Variants in FRY observed in about 807,000 individuals in gnomAD.
FRY encodes FRY microtubule binding protein.
FRY carries 128 observed loss-of-function variants against 348.4 expected under a neutral mutation model. That is an observed-to-expected ratio of 0.37 (90% CI 0.32 to 0.43). The LOEUF (loss-of-function observed/expected upper bound fraction) is 0.43. FRY is among the 20% of genes least tolerant of loss of function. The pLI, the probability that FRY is intolerant of heterozygous loss-of-function variation, is 1.00. For synonymous variants in FRY, 1,370 were observed against 1,374.7 expected (o/e 1.00, Z 0.08); for missense variants, 2,736 against 3,695.2 (o/e 0.74, Z 6.73).
At chr13:32,050,153 C>T (rs969735071) in intron 1 of FRY, among the ~76,000 whole-genome samples, 1 of 152,178 alleles carries the variant, frequency 6.6e-6, no homozygotes, top group African/African-American at 2.4e-5. Flanking sequence ...TTCAAGGAAA[C>T]ACACATTTTA....
At chr13:32,081,784 A>C (rs780296501) in intron 2 of FRY, among the ~76,000 whole-genome samples, 12 of 152,234 alleles carry the variant, frequency 7.9e-5, no homozygotes, top group Non-Finnish European at 1.8e-4. Flanking sequence ...TGATTCTAGA[A>C]GTGTGAATGG....
intron 17 of FRY, among the ~76,000 whole-genome samples, chr13:32,161,549 G>A (rs1291182645): frequency 6.6e-6 from 1 of 152,140 alleles, no homozygotes; most frequent in Non-Finnish European, 1.5e-5. Context: ...CTATGGACTG[G>A]GGAAGGCAAC....
At chr13:32,098,056 C>G (rs1299480278) in intron 2 of FRY, among the ~76,000 whole-genome samples, 1 of 152,062 alleles carries the variant, frequency 6.6e-6, no homozygotes, top group African/African-American at 2.4e-5. Context: ...CTGGCAAATG[C>G]GTAGCCAGCA....
intron 28 of FRY, among the ~76,000 whole-genome samples, chr13:32,190,330 A>G (rs2138281380): frequency 6.6e-6 from 1 of 152,208 alleles, no homozygotes; most frequent in African/African-American, 2.4e-5. Flanking sequence ...CCAATGCAGT[A>G]GGAAAGAAGG....
rs1893000523 is a variant in FRY, at chr13:32,090,821, A to C, written c.271-11142A>C. Among the ~76,000 whole-genome samples the C allele has an allele frequency of 3.3e-5, 5 of 152,082 alleles. No individual in the cohort carries two copies. The South Asian group carries it at 1.0e-3, about 32-fold the overall frequency. On this transcript the variant is annotated intron_variant, in intron 2 of 60. Coordinates refer to ENST00000542859, the MANE Select transcript of FRY (RefSeq NM_023037.3). ...AGTGAAGTTTCTCTTCCACTGTTCA[A>C]ATAATGGATTTGTACTTAGGGTTGT...
At position 32,224,891 on chromosome 13, in the gene FRY, C is replaced by A. The variant is rs1209415977; in HGVS notation, c.4917-42C>A. The A allele has an allele frequency of 4.5e-6, 5 of 1,115,898 alleles. No homozygotes were observed. The African/African-American group carries it at 6.1e-5, about 14-fold the overall frequency. The allele number at this position is 1,115,898 out of a possible 1,614,324, so 69.1% of individuals were successfully genotyped here. ...CTTAATGATCTACTAGTATTTCCAT[C>A]CCCTTCAGAAGTTGCATTAATTTCA... On this transcript the variant is annotated intron_variant, in intron 37 of 60. Transcript: ENST00000542859.
intron 14 of FRY, 66 bp downstream of exon 14, chr13:32,149,900 G>A (rs1208836804): frequency 4.1e-6 from 4 of 983,450 alleles, no homozygotes; most frequent in Admixed American, 1.7e-5. Flanking sequence ...TTTGCTTTGC[G>A]GCTTTGGAGA....
chr13:32,227,045 A>G (rs1885619291), intron 39 of FRY, among the ~76,000 whole-genome samples: 1 of 152,218 alleles, frequency 6.6e-6, no homozygotes, highest in Non-Finnish European at 1.5e-5. Context: ...GAAAACTGTA[A>G]TATCTGATAA....
At chr13:32,233,406 T>C (rs1430450056) in intron 41 of FRY, among the ~76,000 whole-genome samples, 2 of 152,234 alleles carry the variant, frequency 1.3e-5, no homozygotes, top group African/African-American at 4.8e-5. Context: ...GTATATAATT[T>C]AATGACCTAG....
chr13:32,033,833 T>A lies in FRY; in HGVS notation c.70+1968T>A, dbSNP rs1344856386. On this transcript the variant is annotated intron_variant, in intron 1 of 60. Coordinates refer to ENST00000542859, the MANE Select transcript of FRY (RefSeq NM_023037.3). ...TTTCTTGAAAGAGGAAGAGGAAATA[T>A]ACTTTGTTTATCTTCTTTAAGCTTG... Among the ~76,000 whole-genome samples the A allele has an allele frequency of 2.0e-5, 3 of 152,240 alleles. No homozygotes were observed. The East Asian group carries it at 5.8e-4, about 29-fold the overall frequency.
intron 2 of FRY, among the ~76,000 whole-genome samples, chr13:32,096,358 A>G (rs1009413162): frequency 1.3e-5 from 2 of 151,654 alleles, no homozygotes; most frequent in Non-Finnish European, 2.9e-5. Flanking sequence ...AAGTTACAAC[A>G]TGGTGGGAAT....
intron 1 of FRY, 39 bp downstream of exon 1, chr13:32,031,904 C>T: frequency 1.8e-6 from 2 of 1,121,346 alleles, no homozygotes; most frequent in Non-Finnish European, 2.7e-6. Flanking sequence ...TGTTTGTTTG[C>T]TGGATGTTGC....
rs1873137227 is a variant in FRY, at chr13:32,048,306, G to C, written c.70+16441G>C. Among the ~76,000 whole-genome samples, 3 of 152,182 alleles carry C rather than the reference G, an allele frequency of 2.0e-5. No homozygotes were observed. The South Asian group carries it at 6.2e-4, about 32-fold the overall frequency. ...TCTTTCTATCTTTTATTCCAAGCAG[G>C]AACTCAGCATCTAATCTTAGCTCTG... On this transcript the variant is annotated intron_variant, in intron 1 of 60. Coordinates refer to ENST00000542859, the MANE Select transcript of FRY (RefSeq NM_023037.3).
intron 10 of FRY, among the ~76,000 whole-genome samples, chr13:32,135,526 A>G (rs1338627257): frequency 2.0e-5 from 3 of 152,156 alleles, no homozygotes; most frequent in Admixed American, 6.5e-5. Flanking sequence ...TCTCTTCTCA[A>G]TCCCCAGGAG....
At chr13:32,109,386 A>G (rs1295041838) in intron 3 of FRY, among the ~76,000 whole-genome samples, 2 of 152,292 alleles carry the variant, frequency 1.3e-5, no homozygotes, top group Admixed American at 6.5e-5. Context: ...TGTAAACGCT[A>G]TAATAGAGGT....
chr13:32,153,218 A>C (rs979470807), intron 14 of FRY, among the ~76,000 whole-genome samples: 3 of 152,206 alleles, frequency 2.0e-5, no homozygotes, highest in African/African-American at 7.2e-5. Flanking sequence ...TAGAGAAATC[A>C]AAACACATGC....
Position 32,170,957 on chromosome 13 carries a change from C to T in FRY, c.1893-55C>T, listed in dbSNP as rs113268590. On this transcript the variant is annotated intron_variant, in intron 17 of 60. Coordinates refer to ENST00000542859, the MANE Select transcript of FRY (RefSeq NM_023037.3). ...TAATATCTATTAATCCTTGTTAGCT[C>T]TAGAAGACCAGTTAATAAAGTAAAT... 553 of 1,267,352 alleles carry T rather than the reference C, an allele frequency of 4.4e-4. 1 individual carries two copies. The African/African-American group carries it at 6.5e-3, about 15-fold the overall frequency. The allele number at this position is 1,267,352 out of a possible 1,614,324, so 78.5% of individuals were successfully genotyped here.
At chr13:32,214,322 G>A (rs939002152) in intron 35 of FRY, among the ~76,000 whole-genome samples, 1 of 152,204 alleles carries the variant, frequency 6.6e-6, no homozygotes, top group Non-Finnish European at 1.5e-5. Flanking sequence ...GAGAGACTGC[G>A]TATCTCTTAC....
chr13:32,080,930 G>A (rs1875443730), intron 2 of FRY, among the ~76,000 whole-genome samples: 1 of 152,166 alleles, frequency 6.6e-6, no homozygotes, highest in Admixed American at 6.6e-5. Flanking sequence ...TACACAGCTA[G>A]GTCCTGACAC....
Sources: gnomAD v4.1 joint callset for allele counts (sites outside exome capture counted in the v4.1 genomes callset) on GRCh38, gnomAD v4.1.1 for gene constraint, MANE v1.5 for transcripts, NCBI Gene and HGNC (gene_info 2026-07-23, HGNC 2026-07-21) for gene names.